The following SOX6 variants were observed in gnomAD, a reference collection of about 807,000 sequenced individuals.
The protein encoded by SOX6 is transcription factor SOX-6.
SOX6 carries 11 observed loss-of-function variants against 97.8 expected under a neutral mutation model. That is an observed-to-expected ratio of 0.11 (90% CI 0.07 to 0.19). The LOEUF is 0.19. SOX6 is among the 10% of genes least tolerant of loss of function. The probability of loss-of-function intolerance (pLI) is 1.00; values close to 1 mark genes in which losing one functional copy is unlikely to be tolerated. For synonymous variants in SOX6, 360 were observed against 371.4 expected (o/e 0.97, Z 0.35); for missense variants, 810 against 1,039.5 (o/e 0.78, Z 3.04).
rs148899059 is a variant in SOX6, at chr11:16,677,215, TG to T, written n.429+37614del. Among the ~76,000 whole-genome samples the T allele has an allele frequency of 4.4e-3, 672 of 152,308 alleles. 4 individuals are homozygous for T. The highest frequency in any genetic ancestry group is 0.016 in the African/African-American group (650 of 41,564). ...CAGACAGGTCAAAGCCACAGTTCTT[TG>T]GGAATAAGGTCCATGCTGCTCCCAC... On this transcript the variant is annotated intron_variant and non_coding_transcript_variant, in intron 3 of 5. Coordinates refer to the SOX6 transcript ENST00000524520.
intron 9 of SOX6, among the ~76,000 whole-genome samples, chr11:16,071,148 T>A (rs553417189): frequency 4.6e-4 from 70 of 151,656 alleles, no homozygotes; most frequent in African/African-American, 1.5e-3. Context: ...CAGGCAACTT[T>A]ACCAAACCCT....
chr11:16,314,800 C>T (rs1468517857), intron 3 of SOX6: 1 of 152,188 alleles, frequency 6.6e-6, no homozygotes, highest in African/African-American at 2.4e-5. Context: ...GGAGATATCT[C>T]AAAATATCTT....
intron 4 of SOX6, among the ~76,000 whole-genome samples, chr11:16,222,160 AAGAGATC>A (rs1852558569): frequency 6.6e-6 from 1 of 152,114 alleles, no homozygotes; most frequent in Non-Finnish European, 1.5e-5. Context: ...CCATACATTA[AAGAGATC>A]TGAAAAATGT....
intron 3 of SOX6, among the ~76,000 whole-genome samples, chr11:16,655,960 C>A (rs189401097): frequency 6.6e-6 from 1 of 151,614 alleles, no homozygotes; most frequent in East Asian, 1.9e-4. Flanking sequence ...CAGAGTGAGA[C>A]CCTGTCTCAT....
At chr11:16,204,362 C>A (rs968342384) in intron 4 of SOX6, among the ~76,000 whole-genome samples, 1 of 152,038 alleles carries the variant, frequency 6.6e-6, no homozygotes, top group East Asian at 1.9e-4. Context: ...AACCTAGAGT[C>A]CCAGATTGAT....
intron 4 of SOX6, among the ~76,000 whole-genome samples, chr11:16,497,777 A>T (rs1245027372): frequency 6.6e-6 from 1 of 152,228 alleles, no homozygotes; most frequent in African/African-American, 2.4e-5. Context: ...AAAAAGAATA[A>T]AAACAAATGA....
At chr11:16,484,547 T>C (rs1860398787) in intron 4 of SOX6, 3 of 772,256 alleles carry the variant, frequency 3.9e-6, no homozygotes, top group Non-Finnish European at 7.2e-6. Flanking sequence ...ACAGTCGAGA[T>C]GGCAGTACCT....
At chr11:16,498,610 G>T (rs1403951259) in intron 4 of SOX6, among the ~76,000 whole-genome samples, 1 of 152,140 alleles carries the variant, frequency 6.6e-6, no homozygotes, top group South Asian at 2.1e-4. Context: ...AGGGATGGAG[G>T]AAGATCTACC....
At chr11:16,398,421 A>C (rs578119340) in intron 1 of SOX6, among the ~76,000 whole-genome samples, 2 of 151,600 alleles carry the variant, frequency 1.3e-5, no homozygotes, top group African/African-American at 2.4e-5. Context: ...TGAATAAGCA[A>C]GTCCTATTCA....
At chr11:16,132,401 A>AGAG (rs34012369) in intron 6 of SOX6, among the ~76,000 whole-genome samples, 4 of 43,836 alleles carry the variant, frequency 9.1e-5, no homozygotes, top group East Asian at 1.9e-3. Context: ...AAAGAAAGAA[A>AGAG]AAAGAAAGAA....
At chr11:16,371,136 C>G (rs1857484312) in intron 1 of SOX6, among the ~76,000 whole-genome samples, 1 of 151,964 alleles carries the variant, frequency 6.6e-6, no homozygotes, top group Non-Finnish European at 1.5e-5. Flanking sequence ...ACTTCATTTC[C>G]TATTATTTCC....
chr11:16,465,936 T>C (rs1178385275), intron 1 of SOX6: 1 of 152,256 alleles, frequency 6.6e-6, no homozygotes, highest in Non-Finnish European at 1.5e-5. Context: ...CCATCTCTTC[T>C]TCTTTTGTAA....
In SOX6 at chr11:16,341,176, T is replaced by C; in HGVS notation, c.73A>G (p.Thr25Ala). ...DGEDAMTQDL[T>A]SREKEEGSDQ... Reference sequence around the variant, plus strand: ...CTGCCCTCTTCCTTTTCCCTTGAGGTTAAATCCTGGGTCATTGCATCCTCT... The same window carrying C: ...CTGCCCTCTTCCTTTTCCCTTGAGGCTAAATCCTGGGTCATTGCATCCTCT... The change falls in exon 2 of 16, where the codon ACC becomes GCC. Residue 25 changes from threonine (T) to alanine (A), a missense_variant. Physicochemically the swap from Thr to Ala is moderately conservative, Grantham distance 58 (BLOSUM62 0). Around this residue, in one of 9 missense-constraint regions of SOX6, gnomAD observed 100 missense variants for 94.6 expected, o/e 1.06. Transcript: ENST00000683767. 6.2e-7 allele frequency: 1 copy of C among 1,613,542 alleles called. No individual in the cohort carries two copies. The highest frequency in any genetic ancestry group is 8.5e-7 in the Non-Finnish European group (1 of 1,179,626).
At chr11:16,333,119 T>G (rs1856357185) in intron 2 of SOX6, among the ~76,000 whole-genome samples, 1 of 152,082 alleles carries the variant, frequency 6.6e-6, no homozygotes, top group African/African-American at 2.4e-5. Context: ...AAAGTTGGCT[T>G]TATGGAAAGC....
intron 3 of SOX6, among the ~76,000 whole-genome samples, chr11:16,670,162 C>T (rs1405092742): frequency 6.6e-6 from 1 of 152,110 alleles, no homozygotes; most frequent in Non-Finnish European, 1.5e-5. Flanking sequence ...GGAGAGGATC[C>T]CAGAAGCACA....
intron 6 of SOX6, among the ~76,000 whole-genome samples, chr11:16,113,968 C>A (rs920696168): frequency 6.6e-6 from 1 of 152,000 alleles, no homozygotes; most frequent in African/African-American, 2.4e-5. Flanking sequence ...AAATGAAATG[C>A]AAAGAAGAAC....
intron 13 of SOX6, among the ~76,000 whole-genome samples, chr11:16,013,998 C>T (rs1435884588): frequency 1.3e-5 from 2 of 152,028 alleles, no homozygotes; most frequent in Non-Finnish European, 2.9e-5. Context: ...AGGACTTTAG[C>T]TGGGACCTGA....
chr11:16,643,446 G>A (rs1211720549), intron 3 of SOX6, among the ~76,000 whole-genome samples: 1 of 152,230 alleles, frequency 6.6e-6, no homozygotes, highest in Non-Finnish European at 1.5e-5. Context: ...CAAGCTGCCA[G>A]ACAGGGACAT....
Position 15,972,717 on chromosome 11 carries a change from G to T in SOX6, c.*92C>A. 7.5e-7 allele frequency: 1 copy of T among 1,332,390 alleles called. No homozygotes were observed. The highest frequency in any genetic ancestry group is 1.4e-5 in the African/African-American group (1 of 69,206). The allele number at this position is 1,332,390 out of a possible 1,614,324, so 82.5% of individuals were successfully genotyped here. The stretch of plus-strand genomic sequence containing the variant: ...AAGACCATTCTGCTGATGTAATTGT[G>T]GAGCCACAAATGCATGCGGGCTCTT... On this transcript the variant is annotated 3_prime_UTR_variant, in exon 16 of 16. Transcript: ENST00000683767.
Sources: gnomAD v4.1 joint callset for allele counts (sites outside exome capture counted in the v4.1 genomes callset) on GRCh38, gnomAD v4.1.1 for gene constraint, gnomAD v4.1.1 regional missense constraint, MANE v1.5 for transcripts, NCBI Gene and HGNC (gene_info 2026-07-23, HGNC 2026-07-21) for gene names.